Variants in NUP160 observed in about 807,000 individuals in gnomAD.
NUP160 encodes nucleoporin 160.
Under a neutral mutation model 196.9 loss-of-function variants are expected in NUP160, and 94 were observed. The observed-to-expected ratio is 0.48, with a 90% CI of 0.40 to 0.57. The LOEUF is 0.57. Ranked by LOEUF, NUP160 falls within the 20% of genes least tolerant of loss-of-function variation. NUP160 has a pLI of 0.00. For synonymous variants in NUP160, 605 were observed against 619.7 expected (o/e 0.98, Z 0.35); for missense variants, 1,638 against 1,748.3 (o/e 0.94, Z 1.13).
chr11:47,784,353 C>A (rs967963277), intron 33 of NUP160, among the ~76,000 whole-genome samples: 2 of 152,184 alleles, frequency 1.3e-5, no homozygotes, highest in African/African-American at 2.4e-5. Context: ...AGGAACCAAT[C>A]GGAAACTGGT....
At chr11:47,804,515 A>G in intron 21 of NUP160, 34 bp downstream of exon 21, 1 of 1,370,692 alleles carries the variant, frequency 7.3e-7, no homozygotes, top group Non-Finnish European at 1.0e-6. Flanking sequence ...GCTTTACAAG[A>G]ATGTGTAGAC....
chr11:47,807,869 A>G (rs1337948765), intron 18 of NUP160, among the ~76,000 whole-genome samples: 1 of 152,240 alleles, frequency 6.6e-6, no homozygotes, highest in Non-Finnish European at 1.5e-5. Context: ...ACATACATAC[A>G]GTCTATGATT....
At chr11:47,822,265 T>C in intron 7 of NUP160, 101 bp from the exon 8 acceptor site, 1 of 780,312 alleles carries the variant, frequency 1.3e-6, no homozygotes, top group South Asian at 1.9e-5. Context: ...AAAAAAATTT[T>C]TTTTTTTTTG....
chr11:47,828,525 T>C (rs1028051499), intron 7 of NUP160, among the ~76,000 whole-genome samples: 4 of 152,324 alleles, frequency 2.6e-5, no homozygotes, highest in Non-Finnish European at 5.9e-5. Context: ...ATATCATCTA[T>C]AGAGGCAACA....
intron 28 of NUP160, 157 bp downstream of exon 28, chr11:47,792,629 A>C: frequency 1.4e-6 from 1 of 704,206 alleles, no homozygotes; most frequent in Non-Finnish European, 2.3e-6. Flanking sequence ...AATATACAAC[A>C]ATTGAATTGT....
intron 7 of NUP160, among the ~76,000 whole-genome samples, chr11:47,830,731 T>C (rs972532314): frequency 1.3e-5 from 2 of 150,502 alleles, no homozygotes; most frequent in Admixed American, 1.3e-4. Flanking sequence ...GAGGAGGGAG[T>C]GGAGCAGAAA....
chr11:47,817,587 C>G (rs937266976), intron 11 of NUP160, among the ~76,000 whole-genome samples: 1 of 152,036 alleles, frequency 6.6e-6, no homozygotes, highest in African/African-American at 2.4e-5. Flanking sequence ...CCCCGTGATC[C>G]ATCTGCCTCA....
At position 47,788,561 on chromosome 11, in the gene NUP160, AAC is replaced by A; in HGVS notation, c.3560_3561del (p.Cys1187PhefsTer13). 6.2e-7 allele frequency: 1 copy of A among 1,614,084 alleles called. No individual in the cohort carries two copies. Among genetic ancestry groups the A allele is most frequent in the Non-Finnish European group, 8.5e-7 (1 of 1,179,988 alleles). On this transcript the variant is annotated frameshift_variant, in exon 30 of 36. Coordinates refer to ENST00000378460, the Ensembl canonical transcript of NUP160. LOFTEE classifies it high-confidence loss of function. Reference sequence around the variant, plus strand: ...AAAGTGAGGCGGATGCGAGCCAAGGAACACTCTTTCTCCAGATCTTCCAGTTC... The same window carrying A: ...AAAGTGAGGCGGATGCGAGCCAAGGAACTCTTTCTCCAGATCTTCCAGTTC...
intron 6 of NUP160, among the ~76,000 whole-genome samples, chr11:47,836,394 A>G (rs1852176509): frequency 6.6e-6 from 1 of 152,112 alleles, no homozygotes; most frequent in Non-Finnish European, 1.5e-5. Flanking sequence ...TTAAAAACAT[A>G]TTTGTTGCTC....
At chr11:47,808,478 G>T (rs769937243) in exon 18 of NUP160, 1 of 1,613,906 alleles carries the variant, frequency 6.2e-7, no homozygotes, top group Admixed American at 1.7e-5. Flanking sequence ...GGAGCTGTTC[G>T]ATGTAGTAGG....
At chr11:47,785,005 T>A in exon 33 of NUP160, 1 of 1,604,264 alleles carries the variant, frequency 6.2e-7, no homozygotes, top group African/African-American at 1.3e-5. Flanking sequence ...TACAAGTTAT[T>A]CTGGACTTTG....
chr11:47,846,410 A>G (rs1379596611), intron 2 of NUP160, among the ~76,000 whole-genome samples: 1 of 152,176 alleles, frequency 6.6e-6, no homozygotes, highest in Non-Finnish European at 1.5e-5. Flanking sequence ...ACTATGTCCA[A>G]TAGAATTATT....
At chr11:47,837,655 C>T (rs1852203753) in intron 4 of NUP160, 32 bp from the exon 5 acceptor site, 12 of 1,562,532 alleles carry the variant, frequency 7.7e-6, no homozygotes, top group Non-Finnish European at 1.1e-5. Context: ...CTCTTGAACA[C>T]ACTTAGAGAA....
intron 27 of NUP160, among the ~76,000 whole-genome samples, chr11:47,795,917 G>A (rs1159721898): frequency 6.6e-6 from 1 of 151,946 alleles, no homozygotes; most frequent in East Asian, 1.9e-4. Flanking sequence ...TTTGGGAAAT[G>A]GAGGTGGGTG....
chr11:47,827,323 C>G, intron 7 of NUP160: 1 of 329,918 alleles, frequency 3.0e-6, no homozygotes, highest in East Asian at 8.7e-5. Context: ...GAGATTGCGC[C>G]ACTGCACTCC....
At chr11:47,846,111 G>C (rs537388654) in intron 2 of NUP160, among the ~76,000 whole-genome samples, 1 of 150,824 alleles carries the variant, frequency 6.6e-6, no homozygotes, top group East Asian at 1.9e-4. Context: ...ACTCCAGCCT[G>C]GACAATGGAG....
At chr11:47,785,103 T>A in intron 32 of NUP160, 40 bp from the exon 33 acceptor site, 3 of 1,086,516 alleles carry the variant, frequency 2.8e-6, no homozygotes, top group Non-Finnish European at 3.9e-6. Context: ...TTCAGATTCT[T>A]AATAGCTATT....
intron 21 of NUP160, among the ~76,000 whole-genome samples, chr11:47,804,075 GGA>G (rs1227496100): frequency 6.6e-6 from 1 of 151,964 alleles, no homozygotes; most frequent in Non-Finnish European, 1.5e-5. Context: ...CAGCTACTCG[GGA>G]GGCTGAGACA....
At chr11:47,806,034 G>C in intron 20 of NUP160, 119 bp downstream of exon 20, 1 of 892,632 alleles carries the variant, frequency 1.1e-6, no homozygotes, top group Non-Finnish European at 1.8e-6. Context: ...GGCTGGTCTC[G>C]AACTTCTGGC....
Sources: gnomAD v4.1 joint callset for allele counts (sites outside exome capture counted in the v4.1 genomes callset) on GRCh38, gnomAD v4.1.1 for gene constraint, MANE v1.5 for transcripts, NCBI Gene and HGNC (gene_info 2026-07-23, HGNC 2026-07-21) for gene names.